MALRD1: variants seen among roughly 807,000 people sequenced by gnomAD.
MALRD1 encodes MAM and LDL-receptor class A domain-containing protein 1.
A neutral mutation model predicts 242.1 loss-of-function variants in MALRD1; 247 were observed. The observed-to-expected ratio is 1.02, with a 90% CI of 0.92 to 1.13. The LOEUF (loss-of-function observed/expected upper bound fraction) is 1.13. Ranked by LOEUF, MALRD1 falls within the 50% of genes most tolerant of loss-of-function variation. The pLI is 0.00. For synonymous variants in MALRD1, 995 were observed against 866.6 expected (o/e 1.15, Z -2.60); for missense variants, 2,989 against 2,533.1 (o/e 1.18, Z -3.86).
rs753384799 is a variant in MALRD1, at chr10:19,113,792, T to TACACACACACACACACACAC, written c.695-9680_695-9661dup. 2.7e-3 allele frequency among the ~76,000 whole-genome samples: 362 copies of TACACACACACACACACACAC among 134,512 alleles called. 5 individuals are homozygous for TACACACACACACACACACAC. Among genetic ancestry groups the TACACACACACACACACACAC allele is most frequent in the African/African-American group, 9.8e-3 (342 of 34,782 alleles). The allele number at this position is 134,512 out of a possible 152,430, so 88.2% of individuals were successfully genotyped here. On this transcript the variant is annotated intron_variant, in intron 5 of 39. Coordinates refer to ENST00000454679, the MANE Select transcript of MALRD1 (RefSeq NM_001142308.3). ...CCTCCACATTGCCACTACCACCCCC[T>TACACACACACACACACACAC]ACACACACACACACACACACACACA... is the stretch of plus-strand genomic sequence containing the variant.
chr10:19,200,045 C>A (rs949941139), intron 14 of MALRD1, among the ~76,000 whole-genome samples: 8 of 152,094 alleles, frequency 5.3e-5, no homozygotes, highest in Non-Finnish European at 1.2e-4. Context: ...GGAGAACGGC[C>A]TGAGCCTGGG....
intron 14 of MALRD1, among the ~76,000 whole-genome samples, chr10:19,181,237 A>T (rs1835489324): frequency 1.3e-5 from 2 of 152,166 alleles, no homozygotes; most frequent in Admixed American, 1.3e-4. Context: ...TGAAATTACC[A>T]CTTCATAAAG....
rs139633733 is a variant in MALRD1, at chr10:19,399,574, G to A, written c.4845+9965G>A. On this transcript the variant is annotated intron_variant, in intron 28 of 39. Coordinates refer to ENST00000454679, the MANE Select transcript of MALRD1 (RefSeq NM_001142308.3). ...TGGCAGTCCGTTTTTACCAATTACA[G>A]ATTACAGAGTTGGAGTAGAGAGAAA... is the stretch of plus-strand genomic sequence containing the variant. 7.9e-5 allele frequency among the ~76,000 whole-genome samples: 12 copies of A among 152,236 alleles called. No individual in the cohort carries two copies. In the East Asian group the frequency reaches 2.3e-3, roughly 29 times the overall value.
At position 19,050,334 on chromosome 10, in the gene MALRD1, G is replaced by A. The variant is rs527597487; in HGVS notation, c.199+1197G>A. ...GATCTCCTGACCTCGTGATCCGCCC[G>A]CCTCGGCCTCCCAAAGTGCTGGGAT... On this transcript the variant is annotated intron_variant, in intron 1 of 39. Transcript: ENST00000454679. 7.3e-5 allele frequency among the ~76,000 whole-genome samples: 11 copies of A among 151,150 alleles called. No homozygotes were observed. The East Asian group carries it at 1.2e-3, about 16-fold the overall frequency.
rs926103374 is a variant in MALRD1 at position 19,347,818 on chromosome 10, A to C, written c.3949A>C (p.Lys1317Gln). Residue 1317 changes from lysine (K) to glutamine (Q), a missense_variant, in exon 25 of 40, where the codon AAG (lysine) becomes CAG (glutamine). Transcript: ENST00000454679. ...CDFEFDLCSW[K>Q]QEKDEDFDWN... ...TTTCGAATTTGATCTTTGTTCCTGG[A>C]AGCAGGAGAAAGATGAGGACTTTGA... The C allele has an allele frequency of 1.6e-5, 25 of 1,550,466 alleles. No homozygotes were observed. The highest frequency in any genetic ancestry group is 3.3e-4 in the Middle Eastern group (2 of 5,984).
intron 28 of MALRD1, among the ~76,000 whole-genome samples, chr10:19,398,216 C>T (rs1423083529): frequency 1.3e-5 from 2 of 151,892 alleles, no homozygotes; most frequent in African/African-American, 4.8e-5. Flanking sequence ...AATTTGAGGT[C>T]TTATCCAAAA....
At chr10:19,118,289 T>C (rs1458656416) in intron 5 of MALRD1, among the ~76,000 whole-genome samples, 2 of 152,224 alleles carry the variant, frequency 1.3e-5, no homozygotes, top group African/African-American at 2.4e-5. Context: ...CGATGGCTCA[T>C]GACACAGTCC....
At chr10:19,341,432 CTA>C (rs1190549711) in intron 24 of MALRD1, among the ~76,000 whole-genome samples, 1 of 98,990 alleles carries the variant, frequency 1.0e-5, no homozygotes, top group African/African-American at 4.2e-5. Flanking sequence ...TAAAATAACA[CTA>C]TATGTATATA....
chr10:19,292,056 C>A (rs1841455864), intron 21 of MALRD1, among the ~76,000 whole-genome samples: 2 of 135,686 alleles, frequency 1.5e-5, no homozygotes, highest in Non-Finnish European at 1.5e-5. Context: ...GCACTCCAGC[C>A]TGGATGACAG....
At chr10:19,331,254 CAA>C in intron 23 of MALRD1, 113 bp from the exon 24 acceptor site, 1 of 937,332 alleles carries the variant, frequency 1.1e-6, no homozygotes, top group Admixed American at 2.6e-5. Context: ...AAAACAAAAA[CAA>C]AAAAACAAAC....
chr10:19,571,987 G>A (rs908341641), intron 33 of MALRD1, among the ~76,000 whole-genome samples: 69 of 151,788 alleles, frequency 4.5e-4, no homozygotes, highest in African/African-American at 1.6e-3. Flanking sequence ...TTTTGTTGTC[G>A]TTTTTACCAC....
chr10:19,729,669 A>G (rs1181784446), intron 38 of MALRD1, among the ~76,000 whole-genome samples: 8 of 142,520 alleles, frequency 5.6e-5, no homozygotes, highest in African/African-American at 2.1e-4. Context: ...TTTCTTCATC[A>G]GTTGTCACCA....
At chr10:19,614,871 T>C (rs1015406722) in intron 35 of MALRD1, among the ~76,000 whole-genome samples, 2 of 151,964 alleles carry the variant, frequency 1.3e-5, no homozygotes, top group Admixed American at 1.3e-4. Context: ...AAAAAAGGCT[T>C]TTGCCTGCCA....
chr10:19,443,046 G>A (rs952297349), intron 28 of MALRD1, among the ~76,000 whole-genome samples: 1 of 152,112 alleles, frequency 6.6e-6, no homozygotes, highest in Non-Finnish European at 1.5e-5. Context: ...GTTTAGTCTG[G>A]GAGAGTGTAT....
intron 14 of MALRD1, among the ~76,000 whole-genome samples, chr10:19,182,552 G>T (rs184928748): frequency 1.3e-5 from 2 of 151,352 alleles, no homozygotes; most frequent in East Asian, 1.9e-4. Flanking sequence ...GGATGGTCTC[G>T]ATCTCCTGAC....
At chr10:19,105,071 T>C (rs984468011) in intron 5 of MALRD1, among the ~76,000 whole-genome samples, 17 of 152,020 alleles carry the variant, frequency 1.1e-4, no homozygotes, top group African/African-American at 3.9e-4. Context: ...AATAATATAA[T>C]ATCGTTAACT....
At chr10:19,628,407 C>T (rs1300982792) in intron 36 of MALRD1, among the ~76,000 whole-genome samples, 3 of 152,014 alleles carry the variant, frequency 2.0e-5, no homozygotes, top group Admixed American at 6.6e-5. Context: ...GTTAAATGTT[C>T]CAAATAGTGT....
intron 29 of MALRD1, among the ~76,000 whole-genome samples, chr10:19,466,176 T>A (rs935941785): frequency 3.3e-5 from 5 of 152,184 alleles, no homozygotes; most frequent in African/African-American, 1.2e-4. Flanking sequence ...ACTGAGCTGC[T>A]TGCTTTCTTG....
chr10:19,484,912 T>C (rs564586483), intron 29 of MALRD1, among the ~76,000 whole-genome samples: 29 of 152,316 alleles, frequency 1.9e-4, no homozygotes, highest in African/African-American at 6.0e-4. Flanking sequence ...TGCAAAGATA[T>C]GGAATCAACC....
Sources: gnomAD v4.1 joint callset for allele counts (sites outside exome capture counted in the v4.1 genomes callset) on GRCh38, gnomAD v4.1.1 for gene constraint, MANE v1.5 for transcripts, NCBI Gene and HGNC (gene_info 2026-07-23, HGNC 2026-07-21) for gene names.